SLC39A11: variants seen among roughly 807,000 people sequenced by gnomAD.
The protein encoded by SLC39A11 is zinc transporter ZIP11.
In SLC39A11, 33 loss-of-function variants were observed where a neutral mutation model predicts 36.1. The observed-to-expected ratio is 0.91, with a 90% confidence interval of 0.69 to 1.22. The LOEUF is 1.22. Among genes scored for constraint, SLC39A11 ranks in the 50% most tolerant of loss-of-function variants. SLC39A11 has a pLI of 0.00. For missense variants in SLC39A11, 432 were observed against 430.3 expected (o/e 1.00, Z -0.03); for synonymous variants, 166 against 170.3 (o/e 0.97, Z 0.20).
rs1030319569 is a variant in SLC39A11 at position 72,654,567 on chromosome 17, CA to C, written c.672-5300del. On this transcript the variant is annotated intron_variant, in intron 7 of 9. Coordinates refer to ENST00000255559, the MANE Select transcript of SLC39A11 (RefSeq NM_139177.4). ...TGCCCCGCCTTCCCAGATAGACCCT[CA>C]GGGGGGCCCCTTCCCTGCGACTTTG... 5.6e-4 allele frequency among the ~76,000 whole-genome samples: 86 copies of C among 152,344 alleles called. 1 individual carries two copies. Among genetic ancestry groups the C allele is most frequent in the African/African-American group, 1.9e-3 (77 of 41,574 alleles).
rs571296447 is a variant in SLC39A11, at chr17:72,734,964, G to T, written c.671+1686C>A. ...TGTGCCAGGGGCAGAAGAGCTACAT[G>T]CCCCCACCCCAGGCCCCGCGCTTAG... On this transcript the variant is annotated intron_variant, in intron 7 of 9. Coordinates refer to ENST00000255559, the MANE Select transcript of SLC39A11 (RefSeq NM_139177.4). Among the ~76,000 whole-genome samples, 28 of 152,304 alleles carry T rather than the reference G, an allele frequency of 1.8e-4. No homozygotes were observed. In the South Asian group the frequency reaches 5.8e-3, roughly 32 times the overall value.
At chr17:72,868,986 G>A (rs981021931) in intron 5 of SLC39A11, among the ~76,000 whole-genome samples, 3 of 152,140 alleles carry the variant, frequency 2.0e-5, no homozygotes, top group African/African-American at 4.8e-5. Context: ...TCACTGCTGC[G>A]AAACTCAGCT....
At chr17:72,910,325 T>C (rs1012131807) in intron 5 of SLC39A11, among the ~76,000 whole-genome samples, 2 of 152,118 alleles carry the variant, frequency 1.3e-5, no homozygotes, top group African/African-American at 4.8e-5. Context: ...AAATTATTTT[T>C]TTAAAAAAGT....
intron 6 of SLC39A11, among the ~76,000 whole-genome samples, chr17:72,816,416 C>A (rs1385012976): frequency 3.3e-5 from 5 of 150,556 alleles, no homozygotes. Context: ...CATAGCCAGG[C>A]AAGAGCACAT....
chr17:72,761,880 T>C (rs1430795592), intron 6 of SLC39A11, among the ~76,000 whole-genome samples: 1 of 152,236 alleles, frequency 6.6e-6, no homozygotes, highest in Non-Finnish European at 1.5e-5. Flanking sequence ...AGGGTCATGC[T>C]ATTCCCATAA....
At position 72,833,653 on chromosome 17, in the gene SLC39A11, T is replaced by C. The variant is rs1202455410; in HGVS notation, c.601+15981A>G. Among the ~76,000 whole-genome samples, 6 of 152,210 alleles carry C rather than the reference T, an allele frequency of 3.9e-5. No individual in the cohort carries two copies. In the East Asian group the frequency reaches 5.8e-4, roughly 15 times the overall value. Reference sequence around the variant, plus strand: ...TTCTGTGAGAGGGGCTAAGCTGACATAGACCAATGATGTTGGCTTGGGCTG... The same window carrying C: ...TTCTGTGAGAGGGGCTAAGCTGACACAGACCAATGATGTTGGCTTGGGCTG... On this transcript the variant is annotated intron_variant, in intron 6 of 9. Coordinates refer to ENST00000255559, the MANE Select transcript of SLC39A11 (RefSeq NM_139177.4).
intron 6 of SLC39A11, among the ~76,000 whole-genome samples, chr17:72,776,246 G>A (rs776758588): frequency 1.3e-5 from 2 of 152,156 alleles, no homozygotes; most frequent in Non-Finnish European, 2.9e-5. Context: ...CCCATCCCAT[G>A]ACGGCACTCA....
chr17:72,666,011 C>T (rs373249759), intron 7 of SLC39A11, among the ~76,000 whole-genome samples: 7 of 152,184 alleles, frequency 4.6e-5, no homozygotes, highest in East Asian at 1.9e-4. Flanking sequence ...TGCAGATGCA[C>T]GTCTAAGAGT....
chr17:72,730,676 T>C (rs1014065556), intron 7 of SLC39A11, among the ~76,000 whole-genome samples: 1 of 152,212 alleles, frequency 6.6e-6, no homozygotes, highest in African/African-American at 2.4e-5. Context: ...TTATTATTTT[T>C]TGAGACAAGG....
chr17:72,770,567 C>G (rs945219668), intron 6 of SLC39A11, among the ~76,000 whole-genome samples: 2 of 152,204 alleles, frequency 1.3e-5, no homozygotes, highest in Non-Finnish European at 2.9e-5. Flanking sequence ...CAGACCTGCA[C>G]GGCAGTCTGC....
chr17:72,981,114 T>C (rs1297680986), intron 4 of SLC39A11, among the ~76,000 whole-genome samples: 1 of 152,162 alleles, frequency 6.6e-6, no homozygotes, highest in Non-Finnish European at 1.5e-5. Flanking sequence ...CAGGTGAAAT[T>C]AATTGTAATA....
intron 4 of SLC39A11, among the ~76,000 whole-genome samples, chr17:72,975,095 T>C (rs2087748372): frequency 6.6e-6 from 1 of 152,152 alleles, no homozygotes; most frequent in African/African-American, 2.4e-5. Flanking sequence ...CATGACTTTA[T>C]TAGAAGGTAG....
intron 7 of SLC39A11, among the ~76,000 whole-genome samples, chr17:72,726,809 C>CA (rs2073951006): frequency 6.6e-6 from 1 of 152,154 alleles, no homozygotes; most frequent in African/African-American, 2.4e-5. Flanking sequence ...ATCAGAGAGG[C>CA]AAACATATAT....
chr17:72,768,502 A>C (rs1220892086), intron 6 of SLC39A11, among the ~76,000 whole-genome samples: 4 of 152,180 alleles, frequency 2.6e-5, no homozygotes, highest in African/African-American at 7.2e-5. Context: ...GGCAGAGGGT[A>C]GCCTCCCAGA....
intron 4 of SLC39A11, among the ~76,000 whole-genome samples, chr17:72,966,670 C>T (rs901355437): frequency 3.1e-4 from 47 of 152,120 alleles, no homozygotes; most frequent in African/African-American, 1.1e-3. Context: ...CCCGGGTTCA[C>T]GCCATTCTCC....
intron 4 of SLC39A11, among the ~76,000 whole-genome samples, chr17:72,984,839 G>A (rs1243349150): frequency 6.6e-6 from 1 of 152,214 alleles, no homozygotes; most frequent in Non-Finnish European, 1.5e-5. Flanking sequence ...TAAGGAGGAA[G>A]GCCATTTGTT....
At chr17:73,059,379 A>G (rs1218349562) in intron 3 of SLC39A11, among the ~76,000 whole-genome samples, 8 of 152,226 alleles carry the variant, frequency 5.3e-5, no homozygotes, top group Non-Finnish European at 1.2e-4. Context: ...GAAAACTGGA[A>G]ATAAGCCCAG....
chr17:72,695,302 G>A (rs958080831), intron 7 of SLC39A11, among the ~76,000 whole-genome samples: 4 of 152,266 alleles, frequency 2.6e-5, no homozygotes, highest in Admixed American at 1.3e-4. Context: ...TTCCCGGCAC[G>A]TAGTATCCAC....
intron 3 of SLC39A11, among the ~76,000 whole-genome samples, chr17:73,045,892 C>A (rs1018311032): frequency 6.6e-6 from 1 of 152,190 alleles, no homozygotes; most frequent in Non-Finnish European, 1.5e-5. Context: ...CCTCCCGTGG[C>A]ACTCAGCCAC....
Sources: gnomAD v4.1 joint callset for allele counts (sites outside exome capture counted in the v4.1 genomes callset) on GRCh38, gnomAD v4.1.1 for gene constraint, MANE v1.5 for transcripts, NCBI Gene and HGNC (gene_info 2026-07-23, HGNC 2026-07-21) for gene names.